CADM2: variants seen among roughly 807,000 people sequenced by gnomAD.
The protein encoded by CADM2 is immunoglobulin superfamily member 4D.
CADM2 carries 12 observed loss-of-function variants against 49.8 expected under a neutral mutation model. That is an observed-to-expected ratio of 0.24 (90% CI 0.15 to 0.39). The LOEUF is 0.39. Among genes scored for constraint, CADM2 ranks in the 10% least tolerant of loss-of-function variants. The pLI is 1.00. For synonymous variants in CADM2, 214 were observed against 175.4 expected (o/e 1.22, Z -1.74); for missense variants, 378 against 492.3 (o/e 0.77, Z 2.20).
At chr3:86,014,733 C>T in intron 8 of CADM2, 1 of 1,505,210 alleles carries the variant, frequency 6.6e-7, no homozygotes, top group Non-Finnish European at 8.9e-7. Context: ...AAGTGACTTA[C>T]CCAATACTGA....
intron 1 of CADM2, among the ~76,000 whole-genome samples, chr3:85,105,920 A>G (rs2038203967): frequency 6.6e-6 from 1 of 151,796 alleles, no homozygotes; most frequent in Non-Finnish European, 1.5e-5. Flanking sequence ...CAGGAAGGGG[A>G]ACATCACACT....
At chr3:85,101,593 A>G (rs2038015555) in intron 1 of CADM2, among the ~76,000 whole-genome samples, 1 of 152,194 alleles carries the variant, frequency 6.6e-6, no homozygotes, top group Non-Finnish European at 1.5e-5. Flanking sequence ...ATAATAATGT[A>G]GGTAATTCAT....
At chr3:84,983,629 AGAG>A (rs2032346757) in intron 1 of CADM2, among the ~76,000 whole-genome samples, 2 of 152,126 alleles carry the variant, frequency 1.3e-5, no homozygotes, top group Non-Finnish European at 2.9e-5. Flanking sequence ...TAGGAAACGA[AGAG>A]AAGTGCTCTA....
At chr3:85,416,285 C>T (rs537210173) in intron 1 of CADM2, among the ~76,000 whole-genome samples, 1 of 152,148 alleles carries the variant, frequency 6.6e-6, no homozygotes, top group East Asian at 1.9e-4. Context: ...TTACTGATCT[C>T]TCTTATTCTT....
At chr3:85,367,928 C>A (rs2032916276) in intron 1 of CADM2, among the ~76,000 whole-genome samples, 1 of 151,738 alleles carries the variant, frequency 6.6e-6, no homozygotes, top group Admixed American at 6.6e-5. Flanking sequence ...TTGAAACTGA[C>A]AATATGACCT....
At chr3:85,265,137 A>T (rs907196499) in intron 1 of CADM2, among the ~76,000 whole-genome samples, 1 of 152,068 alleles carries the variant, frequency 6.6e-6, no homozygotes, top group African/African-American at 2.4e-5. Context: ...ATAGCAAGAA[A>T]ATACAGAATC....
chr3:85,053,755 A>G (rs1482851626), intron 1 of CADM2, among the ~76,000 whole-genome samples: 1 of 151,930 alleles, frequency 6.6e-6, no homozygotes, highest in East Asian at 1.9e-4. Flanking sequence ...ATGAACTTAA[A>G]TGTCCCTCCT....
At chr3:85,005,176 C>T (rs1329399110) in intron 1 of CADM2, among the ~76,000 whole-genome samples, 2 of 152,106 alleles carry the variant, frequency 1.3e-5, no homozygotes, top group African/African-American at 4.8e-5. Context: ...CAAACTTTTC[C>T]TTAAGGGGTC....
chr3:85,641,886 G>A (rs184869832), intron 1 of CADM2, among the ~76,000 whole-genome samples: 147 of 151,942 alleles, frequency 9.7e-4, no homozygotes, highest in African/African-American at 3.5e-3. Flanking sequence ...AGCCGAGGTC[G>A]CACCACTGCA....
intron 1 of CADM2, among the ~76,000 whole-genome samples, chr3:84,966,851 C>G (rs1423740584): frequency 6.6e-6 from 1 of 151,852 alleles, no homozygotes; most frequent in African/African-American, 2.4e-5. Context: ...CCTGTCTAGT[C>G]ATAGTTAAGG....
intron 1 of CADM2, among the ~76,000 whole-genome samples, chr3:85,637,602 C>A (rs2064543657): frequency 4.6e-5 from 1 of 21,842 alleles, no homozygotes; most frequent in Non-Finnish European, 1.0e-4. Flanking sequence ...GAGCGAGACT[C>A]CGTCTCAAAA....
intron 1 of CADM2, among the ~76,000 whole-genome samples, chr3:85,530,460 C>T (rs62252500): frequency 0.51 from 77,217 of 150,196 alleles, 22,791 homozygotes; most frequent in East Asian, 0.85. Context: ...CCTCCCAAGT[C>T]GCTGGGACTA....
intron 1 of CADM2, among the ~76,000 whole-genome samples, chr3:85,067,025 T>G (rs889970363): frequency 1.3e-5 from 2 of 152,148 alleles, no homozygotes; most frequent in Admixed American, 1.3e-4. Flanking sequence ...GGATAATATA[T>G]TAATCATTTG....
chr3:85,717,366 T>TTGC (rs2067332940), intron 1 of CADM2, among the ~76,000 whole-genome samples: 1 of 152,216 alleles, frequency 6.6e-6, no homozygotes, highest in South Asian at 2.1e-4. Flanking sequence ...ACTGCTGAAG[T>TTGC]TGCTTATGAG....
At position 85,563,411 on chromosome 3, in the gene CADM2, T is replaced by TGTG. The variant is rs138726875; in HGVS notation, c.62-163110_62-163109insTGG. On this transcript the variant is annotated intron_variant, in intron 1 of 9. Coordinates refer to ENST00000383699, the MANE Select transcript of CADM2 (RefSeq NM_001167675.2). ...AAAACAGGGAATTTTTGTGTGTGTG[T>TGTG]GGGGGGGTGGTAATTTAGCTAAAAT... Among the ~76,000 whole-genome samples, 91 of 142,146 alleles carry TGTG rather than the reference T, an allele frequency of 6.4e-4. 2 individuals carry two copies. Among genetic ancestry groups the TGTG allele is most frequent in the African/African-American group, 1.8e-3 (71 of 40,216 alleles). 93.3% of individuals were successfully genotyped at this position (142,146 alleles called of 152,430 possible).
At chr3:85,150,758 A>G (rs1470156251) in intron 1 of CADM2, among the ~76,000 whole-genome samples, 1 of 151,604 alleles carries the variant, frequency 6.6e-6, no homozygotes, top group Non-Finnish European at 1.5e-5. Context: ...AGGAAAAAAA[A>G]ATTAGCCAGG....
At chr3:85,966,655 TTATGA>T (rs1725512418) in intron 8 of CADM2, among the ~76,000 whole-genome samples, 1 of 151,648 alleles carries the variant, frequency 6.6e-6, no homozygotes, top group Non-Finnish European at 1.5e-5. Context: ...ATAATTAGTA[TTATGA>T]TACTATATAG....
chr3:85,903,817 T>A (rs1280052662), intron 5 of CADM2, among the ~76,000 whole-genome samples: 1 of 152,164 alleles, frequency 6.6e-6, no homozygotes, highest in Non-Finnish European at 1.5e-5. Flanking sequence ...GTCAGCTGGT[T>A]GCCCTACTGT....
chr3:85,699,406 C>T (rs1300735382), intron 1 of CADM2, among the ~76,000 whole-genome samples: 2 of 152,206 alleles, frequency 1.3e-5, no homozygotes, highest in African/African-American at 2.4e-5. Context: ...GTAGAGATTC[C>T]CCGTGAGGTC....
Sources: allele counts gnomAD v4.1 joint callset (sites outside exome capture counted in the v4.1 genomes callset), GRCh38; gene constraint gnomAD v4.1.1; transcripts MANE v1.5; gene names NCBI Gene and HGNC (gene_info 2026-07-23, HGNC 2026-07-21).